Variants in FZR1 observed in about 807,000 individuals in gnomAD.
The protein encoded by FZR1 is fizzy-related protein homolog.
In FZR1, 11 loss-of-function variants were observed where a neutral mutation model predicts 63.6. The observed-to-expected ratio is 0.17, with a 90% CI of 0.11 to 0.29. The LOEUF (loss-of-function observed/expected upper bound fraction) is 0.29, where lower values mean the gene tolerates loss of function less well. Ranked by LOEUF, FZR1 falls within the 10% of genes least tolerant of loss-of-function variation. The pLI, the probability that FZR1 is intolerant of heterozygous loss-of-function variation, is 1.00. For synonymous variants in FZR1, 328 were observed against 297.9 expected (o/e 1.10, Z -1.04); for missense variants, 440 against 687.5 (o/e 0.64, Z 4.03).
At chr19:3,528,011 A>G (rs2083178638) in intron 7 of FZR1, among the ~76,000 whole-genome samples, 197 bp downstream of exon 7, 1 of 123,912 alleles carries the variant, frequency 8.1e-6, no homozygotes, top group African/African-American at 3.0e-5. Context: ...TGGCCCTCCC[A>G]GTCAGGGCCT....
chr19:3,524,322 G>C (rs924039878), intron 2 of FZR1, among the ~76,000 whole-genome samples: 3 of 152,234 alleles, frequency 2.0e-5, no homozygotes, highest in African/African-American at 7.2e-5. Context: ...CCCGGATGCA[G>C]CCAGGCCGGG....
In FZR1 at chr19:3,525,156, C is replaced by G. The variant is rs920406135; in HGVS notation, c.70-712C>G. On this transcript the variant is annotated intron_variant, in intron 2 of 13. Coordinates refer to ENST00000441788, the MANE Select transcript of FZR1 (RefSeq NM_016263.4). This position sits in a 1 kb window ranked among gnomAD's most constrained non-coding sequence, Gnocchi z 4.2. ...GCGTGTCTTGTGCCGTCAAGGCCTG[C>G]GTCTGTGATCATCTAGAGACGGTGA... Among the ~76,000 whole-genome samples, 1 of 152,168 alleles carries G rather than the reference C, an allele frequency of 6.6e-6. No homozygotes were observed. The highest frequency in any genetic ancestry group is 2.1e-4 in the South Asian group (1 of 4,832).
chr19:3,524,360 G>C (rs1350291050), intron 2 of FZR1, among the ~76,000 whole-genome samples: 1 of 152,214 alleles, frequency 6.6e-6, no homozygotes, highest in Admixed American at 6.5e-5. Flanking sequence ...GGGAGGAGCG[G>C]GCATTGGCAG....
rs376756532 is a variant in FZR1, at chr19:3,525,674, C to T, written c.70-194C>T. 5.9e-5 allele frequency among the ~76,000 whole-genome samples: 9 copies of T among 152,094 alleles called. No individual in the cohort carries two copies. Among genetic ancestry groups the T allele is most frequent in the East Asian group, 5.8e-4 (3 of 5,176 alleles). ...AGCCAGGATGGTCTTGATCTCCTGA[C>T]CTCGTGATCCGCCCGCCTCGGCCTC... is the stretch of plus-strand genomic sequence containing the variant. On this transcript the variant is annotated intron_variant, in intron 2 of 13. Transcript: ENST00000441788. The surrounding 1 kb of genome is among the most constrained non-coding windows in gnomAD (Gnocchi z 4.2).
chr19:3,517,713 T>A (rs905799000), intron 1 of FZR1, among the ~76,000 whole-genome samples: 2 of 151,872 alleles, frequency 1.3e-5, no homozygotes, highest in African/African-American at 4.8e-5. Flanking sequence ...ATAAAAATTT[T>A]AAAAAGATAA....
At position 3,532,513 on chromosome 19, in the gene FZR1, G is replaced by A. The variant is rs1354267714; in HGVS notation, c.1105G>A (p.Gly369Arg). The change falls in exon 11 of 14, where the codon GGG becomes AGG. Residue 369 changes from glycine (G) to arginine (R), a missense_variant. By Grantham distance (125) the Gly-to-Arg change is moderately radical. Coordinates refer to ENST00000441788, the MANE Select transcript of FZR1 (RefSeq NM_016263.4). ...CATCGCCTGGTCCCCACATCAGCACGGGCTGCTGGCCTCGGGGGGCGGCAC... is the reference window on the plus strand; with the variant it reads ...CATCGCCTGGTCCCCACATCAGCACAGGCTGCTGGCCTCGGGGGGCGGCAC... ...KAIAWSPHQH[G>R]LLASGGGTAD... The A allele has an allele frequency of 3.7e-6, 6 of 1,609,816 alleles. No homozygotes were observed. Among genetic ancestry groups the A allele is most frequent in the Non-Finnish European group, 4.2e-6 (5 of 1,178,388 alleles).
intron 2 of FZR1, among the ~76,000 whole-genome samples, chr19:3,524,113 A>G (rs564308373): frequency 1.3e-5 from 2 of 152,306 alleles, no homozygotes; most frequent in South Asian, 4.1e-4. Flanking sequence ...GCATAAATAC[A>G]GGGGCATCTG....
Position 3,536,135 on chromosome 19 carries a change from G to A in FZR1, c.*1299G>A, listed in dbSNP as rs2029953742. The A allele has an allele frequency of 6.6e-6, 1 of 152,260 alleles. No homozygotes were observed. Among genetic ancestry groups the A allele is most frequent in the African/African-American group, 2.4e-5 (1 of 41,460 alleles). 9.4% of individuals were successfully genotyped at this position (152,260 alleles called of 1,614,324 possible). A position where few individuals can be genotyped will look rare whatever the true frequency, so the allele number is the denominator to read the frequency against. On this transcript the variant is annotated 3_prime_UTR_variant, in exon 14 of 14. Coordinates refer to ENST00000441788, the MANE Select transcript of FZR1 (RefSeq NM_016263.4). ...ACTCCCCACATCCCAACATCCTGGT[G>A]TCTGTCCCCAGTGGGGTTGGCGTGC...
rs777361963 is a variant in FZR1 at position 3,526,206 on chromosome 19, C to T, written c.259+23C>T. 3.1e-6 allele frequency: 5 copies of T among 1,612,054 alleles called. No individual in the cohort carries two copies. Among genetic ancestry groups the T allele is most frequent in the Non-Finnish European group, 2.5e-6 (3 of 1,179,876 alleles). ...AAGGTTAGGGTCCCAGCCCATCCGC[C>T]CTGCAGGCCCCCACCCTGCCTTGCC... On this transcript the variant is annotated intron_variant, in intron 4 of 13. Coordinates refer to ENST00000441788, the MANE Select transcript of FZR1 (RefSeq NM_016263.4). The surrounding 1 kb of genome is among the most constrained non-coding windows in gnomAD (Gnocchi z 5.4).
At chr19:3,522,486 G>C (rs2083111600) in intron 1 of FZR1, among the ~76,000 whole-genome samples, 1 of 152,340 alleles carries the variant, frequency 6.6e-6, no homozygotes, top group African/African-American at 2.4e-5. Context: ...GTCTACCTGG[G>C]CCTGGACCCA....
chr19:3,534,957 G>T lies in FZR1; in HGVS notation c.*121G>T. 1 of 794,828 alleles carries T rather than the reference G, an allele frequency of 1.3e-6. No individual in the cohort carries two copies. Among genetic ancestry groups the T allele is most frequent in the Non-Finnish European group, 2.2e-6 (1 of 461,972 alleles). The allele number at this position is 794,828 out of a possible 1,614,324, so 49.2% of individuals were successfully genotyped here. ...CCGAGGAAGGCGGCTGGGCGGGCGG[G>T]GAGCTGGGCCTGGAGGATCCTGGAG... On this transcript the variant is annotated 3_prime_UTR_variant, in exon 14 of 14. Coordinates refer to ENST00000441788, the MANE Select transcript of FZR1 (RefSeq NM_016263.4).
intron 1 of FZR1, among the ~76,000 whole-genome samples, chr19:3,519,953 G>GC (rs2083086653): frequency 6.6e-6 from 1 of 151,756 alleles, no homozygotes; most frequent in Non-Finnish European, 1.5e-5. Flanking sequence ...GTCCCGGGGG[G>GC]CCCCACACCC....
At chr19:3,521,716 G>A (rs961087834) in intron 1 of FZR1, among the ~76,000 whole-genome samples, 1 of 152,134 alleles carries the variant, frequency 6.6e-6, no homozygotes, top group Non-Finnish European at 1.5e-5. Flanking sequence ...TGGCCAGGCT[G>A]GTCTCAAATT....
intron 1 of FZR1, among the ~76,000 whole-genome samples, chr19:3,508,692 G>A (rs1187177006): frequency 2.6e-5 from 4 of 152,212 alleles, no homozygotes; most frequent in Non-Finnish European, 5.9e-5. Flanking sequence ...CAGAGGTGAA[G>A]ATCCAGGGGC....
intron 1 of FZR1, among the ~76,000 whole-genome samples, chr19:3,509,231 C>G (rs372156182): frequency 6.6e-6 from 1 of 152,230 alleles, no homozygotes; most frequent in African/African-American, 2.4e-5. Context: ...TCCCTGTGTG[C>G]GTTGGCAGGT....
chr19:3,522,914 C>A, intron 1 of FZR1, 42 bp from the exon 2 acceptor site: 1 of 1,038,366 alleles, frequency 9.6e-7, no homozygotes, highest in Non-Finnish European at 1.5e-6. Context: ...CTCCGGGCAG[C>A]CGGCCCTGCC....
At position 3,533,512 on chromosome 19, in the gene FZR1, C is replaced by T; in HGVS notation, c.1347+114C>T. 3.0e-6 allele frequency: 2 copies of T among 668,186 alleles called. No homozygotes were observed. The highest frequency in any genetic ancestry group is 2.8e-5 in the East Asian group (1 of 35,874). 41.4% of individuals were successfully genotyped at this position (668,186 alleles called of 1,614,324 possible). On this transcript the variant is annotated intron_variant, in intron 12 of 13. Transcript: ENST00000441788. The surrounding 1 kb of genome is among the most constrained non-coding windows in gnomAD (Gnocchi z 4.9). The stretch of plus-strand genomic sequence containing the variant: ...GGAGGATGGTGTGCAGATCTAAAAC[C>T]CCGTGGGACCCAGCAGCAGGGGCCG...
intron 2 of FZR1, among the ~76,000 whole-genome samples, chr19:3,523,572 G>T (rs746268127): frequency 1.3e-5 from 2 of 152,206 alleles, no homozygotes; most frequent in African/African-American, 4.8e-5. Context: ...CGACTCCTGC[G>T]GGGGGCTGAG....
chr19:3,527,106 C>T (rs1390952831), intron 6 of FZR1, 44 bp downstream of exon 6: 1 of 1,437,218 alleles, frequency 7.0e-7, no homozygotes, highest in African/African-American at 1.4e-5. Context: ...TCCCTGTCTC[C>T]CGTCAGCAGC....
Sources: gnomAD v4.1 joint callset for allele counts (sites outside exome capture counted in the v4.1 genomes callset) on GRCh38, gnomAD v4.1.1 for gene constraint, Gnocchi (gnomAD v3.1) non-coding constraint, MANE v1.5 for transcripts, NCBI Gene and HGNC (gene_info 2026-07-23, HGNC 2026-07-21) for gene names.